The following ATP8B4 variants were observed in gnomAD, a reference collection of about 807,000 sequenced individuals.
ATP8B4 encodes probable phospholipid-transporting ATPase IM.
In ATP8B4, 133 loss-of-function variants were observed where a neutral mutation model predicts 145.6. That is an observed-to-expected ratio of 0.91 (90% CI 0.79 to 1.05). The LOEUF (loss-of-function observed/expected upper bound fraction) is 1.05. Among genes scored for constraint, ATP8B4 ranks in the 50% least tolerant of loss-of-function variants. ATP8B4 has a pLI of 0.00. For missense variants in ATP8B4, 1,458 were observed against 1,425.2 expected (o/e 1.02, Z -0.37); for synonymous variants, 507 against 492.9 (o/e 1.03, Z -0.38).
intron 16 of ATP8B4, among the ~76,000 whole-genome samples, chr15:49,929,072 A>C (rs1718877982): frequency 6.6e-6 from 1 of 152,102 alleles, no homozygotes; most frequent in Non-Finnish European, 1.5e-5. Context: ...TATTGTAACA[A>C]GCCCTCCTGG....
chr15:50,173,023 CA>C, intron 1 of ATP8B4, among the ~76,000 whole-genome samples: 1 of 124,780 alleles, frequency 8.0e-6, no homozygotes, highest in Non-Finnish European at 1.7e-5. Context: ...GGGCAGCCCC[CA>C]TCCGGGAGGT....
chr15:50,016,065 C>T (rs1019410147), intron 6 of ATP8B4, among the ~76,000 whole-genome samples: 5 of 152,182 alleles, frequency 3.3e-5, no homozygotes, highest in Admixed American at 2.6e-4. Context: ...TATATAAATC[C>T]TATTGTGCAT....
intron 20 of ATP8B4, among the ~76,000 whole-genome samples, chr15:49,906,064 C>T (rs547889118): frequency 5.9e-5 from 9 of 152,266 alleles, no homozygotes; most frequent in Admixed American, 1.3e-4. Context: ...ATATCATGGG[C>T]ATTTTCCAAT....
Position 49,981,300 on chromosome 15 carries a change from A to G in ATP8B4, c.749-6T>C. 2 of 1,584,284 alleles carry G rather than the reference A, an allele frequency of 1.3e-6. No individual in the cohort carries two copies. Among genetic ancestry groups the G allele is most frequent in the South Asian group, 1.1e-5 (1 of 89,774 alleles). Reference sequence around the variant, plus strand: ...CATTAGTTTAGTGTCAGGACCTGCAAAAACAAAAAAAAGTAAATAACTTTG... The same window carrying G: ...CATTAGTTTAGTGTCAGGACCTGCAGAAACAAAAAAAAGTAAATAACTTTG... On this transcript the variant is annotated splice_polypyrimidine_tract_variant and splice_region_variant and intron_variant, in intron 10 of 27. Transcript: ENST00000284509.
intron 26 of ATP8B4, among the ~76,000 whole-genome samples, chr15:49,863,514 C>T (rs1387350285): frequency 2.0e-5 from 3 of 152,186 alleles, no homozygotes; most frequent in Admixed American, 6.5e-5. Flanking sequence ...GATTTATCAT[C>T]ATACCCCCAG....
At chr15:50,093,201 A>G (rs2055724836) in intron 2 of ATP8B4, among the ~76,000 whole-genome samples, 1 of 152,074 alleles carries the variant, frequency 6.6e-6, no homozygotes, top group South Asian at 2.1e-4. Context: ...TTTAAAAAAA[A>G]AAGGAAGTCT....
At chr15:49,929,362 A>G (rs370801154) in intron 16 of ATP8B4, among the ~76,000 whole-genome samples, 1 of 152,190 alleles carries the variant, frequency 6.6e-6, no homozygotes, top group African/African-American at 2.4e-5. Flanking sequence ...AGAATTCATT[A>G]TAAAGTTCAT....
intron 2 of ATP8B4, among the ~76,000 whole-genome samples, chr15:50,094,096 G>T (rs1046154754): frequency 6.6e-6 from 1 of 152,128 alleles, no homozygotes; most frequent in Non-Finnish European, 1.5e-5. Context: ...TGGGCTACAG[G>T]GTGCTCAGAT....
At chr15:50,015,978 A>G (rs1373849026) in intron 6 of ATP8B4, among the ~76,000 whole-genome samples, 2 of 152,208 alleles carry the variant, frequency 1.3e-5, no homozygotes, top group Non-Finnish European at 2.9e-5. Flanking sequence ...TGAAAGATGT[A>G]GTGCTATAGC....
chr15:50,145,086 G>T (rs1426263074), intron 1 of ATP8B4, among the ~76,000 whole-genome samples: 1 of 152,190 alleles, frequency 6.6e-6, no homozygotes, highest in Admixed American at 6.5e-5. Flanking sequence ...CCAGCTATAT[G>T]TACCACATCC....
intron 2 of ATP8B4, among the ~76,000 whole-genome samples, chr15:50,083,112 C>T (rs1201400340): frequency 6.6e-6 from 1 of 152,036 alleles, no homozygotes; most frequent in Non-Finnish European, 1.5e-5. Flanking sequence ...AATCACACAC[C>T]CCATCCCAAA....
chr15:49,886,593 C>T (rs1330409984), intron 23 of ATP8B4, among the ~76,000 whole-genome samples: 2 of 152,106 alleles, frequency 1.3e-5, no homozygotes, highest in Non-Finnish European at 2.9e-5. Context: ...AACATCAGAA[C>T]AAGATTTAAA....
Position 50,044,715 on chromosome 15 carries a change from T to C in ATP8B4, c.202-23A>G, listed in dbSNP as rs771368823. ...TAGCTGAAACAAACATTCCAAATAGTTTAGGGCTTTTAAAGTTAGAAAATA... is the reference window on the plus strand; with the variant it reads ...TAGCTGAAACAAACATTCCAAATAGCTTAGGGCTTTTAAAGTTAGAAAATA... On this transcript the variant is annotated intron_variant, in intron 4 of 27. Transcript: ENST00000284509. 11 of 1,541,278 alleles carry C rather than the reference T, an allele frequency of 7.1e-6. No homozygotes were observed. In the South Asian group the frequency reaches 1.1e-4, roughly 16 times the overall value.
chr15:50,075,178 T>C (rs970035781), intron 2 of ATP8B4, among the ~76,000 whole-genome samples: 2 of 151,550 alleles, frequency 1.3e-5, no homozygotes, highest in African/African-American at 4.9e-5. Flanking sequence ...TGGTGGAAAG[T>C]AACTTGGAGA....
chr15:50,050,458 G>A (rs1484302899), intron 3 of ATP8B4, among the ~76,000 whole-genome samples: 4 of 151,734 alleles, frequency 2.6e-5, no homozygotes, highest in Non-Finnish European at 4.4e-5. Context: ...AAATATTTAT[G>A]TATACATCTT....
intron 1 of ATP8B4, among the ~76,000 whole-genome samples, chr15:50,134,578 A>C (rs145490719): frequency 1.3e-5 from 2 of 152,338 alleles, no homozygotes; most frequent in African/African-American, 4.8e-5. Context: ...AGTGCATAGG[A>C]GATAACGGGA....
intron 1 of ATP8B4, among the ~76,000 whole-genome samples, chr15:50,132,055 C>T (rs963366006): frequency 5.3e-3 from 1 of 190 alleles, no homozygotes; most frequent in African/African-American, 0.011. Context: ...ATAGTACTCA[C>T]ACACACACTA....
At chr15:50,002,076 G>T (rs979941931) in intron 8 of ATP8B4, 77 bp downstream of exon 8, 1 of 1,232,750 alleles carries the variant, frequency 8.1e-7, no homozygotes, top group Non-Finnish European at 1.2e-6. Context: ...ACTGAACAAG[G>T]TTAAGTCTTA....
intron 7 of ATP8B4, among the ~76,000 whole-genome samples, chr15:50,002,493 T>C (rs993238890): frequency 1.3e-5 from 2 of 152,184 alleles, no homozygotes; most frequent in Non-Finnish European, 2.9e-5. Context: ...CACCTTTTTT[T>C]AATGAAACAT....
Sources: gnomAD v4.1 joint callset for allele counts (sites outside exome capture counted in the v4.1 genomes callset) on GRCh38, gnomAD v4.1.1 for gene constraint, MANE v1.5 for transcripts, NCBI Gene and HGNC (gene_info 2026-07-23, HGNC 2026-07-21) for gene names.